The following CDH18 variants were observed in gnomAD, a reference collection of about 807,000 sequenced individuals.
CDH18 encodes the protein cadherin 18.
Under a neutral mutation model 67.9 loss-of-function variants are expected in CDH18, and 31 were observed. The observed-to-expected ratio is 0.46, with a 90% confidence interval of 0.34 to 0.62. The LOEUF is 0.62. Ranked by LOEUF, CDH18 falls within the 20% of genes least tolerant of loss-of-function variation. CDH18 has a pLI of 0.01. For synonymous variants in CDH18, 362 were observed against 347.2 expected, an observed-to-expected ratio of 1.04 and a Z score of -0.48; for missense variants, 890 against 975.5, an observed-to-expected ratio of 0.91 and a Z score of 1.17.
chr5:19,954,855 A>T (rs920464855), intron 2 of CDH18, among the ~76,000 whole-genome samples: 6 of 151,846 alleles, frequency 4.0e-5, no homozygotes, highest in Non-Finnish European at 8.8e-5. Context: ...ATCTCAGGAA[A>T]AAAAAAAAGA....
At chr5:19,915,384 C>G (rs755025964) in intron 2 of CDH18, among the ~76,000 whole-genome samples, 1 of 152,108 alleles carries the variant, frequency 6.6e-6, no homozygotes, top group Non-Finnish European at 1.5e-5. Flanking sequence ...AACCCCTGCA[C>G]AGTCAAAAAT....
intron 10 of CDH18, among the ~76,000 whole-genome samples, chr5:19,503,899 T>C (rs1442184618): frequency 6.6e-6 from 1 of 152,098 alleles, no homozygotes; most frequent in Non-Finnish European, 1.5e-5. Flanking sequence ...TCATAATGCT[T>C]AGGTGTCTTC....
intron 5 of CDH18, among the ~76,000 whole-genome samples, chr5:19,705,287 T>C (rs945072995): frequency 4.6e-5 from 7 of 152,174 alleles, no homozygotes; most frequent in Admixed American, 4.6e-4. Context: ...TTACTCCTAC[T>C]TGGGGACCTT....
intron 1 of CDH18, among the ~76,000 whole-genome samples, chr5:20,462,456 C>T (rs1751334250): frequency 1.3e-5 from 2 of 151,996 alleles, no homozygotes; most frequent in African/African-American, 4.8e-5. Context: ...TAGTTAACAA[C>T]AATACACTGT....
intron 5 of CDH18, among the ~76,000 whole-genome samples, chr5:19,702,129 T>TCTTC (rs996198070): frequency 1.1e-4 from 16 of 143,110 alleles, no homozygotes; most frequent in Non-Finnish European, 2.2e-4. Context: ...TCTGCAGTGT[T>TCTTC]CTTTCTTTCT....
chr5:20,009,275 C>T (rs573417421), intron 2 of CDH18, among the ~76,000 whole-genome samples: 9 of 152,008 alleles, frequency 5.9e-5, no homozygotes, highest in South Asian at 2.1e-4. Context: ...TCACATTGAC[C>T]GGTCTACATC....
At chr5:19,564,097 A>G (rs1462385135) in intron 8 of CDH18, among the ~76,000 whole-genome samples, 3 of 152,148 alleles carry the variant, frequency 2.0e-5, no homozygotes. Context: ...TAGCCCCACC[A>G]CTGTGGGCTA....
At chr5:20,017,397 G>A (rs757781368) in intron 2 of CDH18, among the ~76,000 whole-genome samples, 1 of 151,992 alleles carries the variant, frequency 6.6e-6, no homozygotes, top group Non-Finnish European at 1.5e-5. Context: ...TTTTCCCATT[G>A]AGGAAATAAA....
intron 2 of CDH18, among the ~76,000 whole-genome samples, chr5:19,855,921 G>A (rs530846442): frequency 1.3e-5 from 2 of 152,218 alleles, no homozygotes; most frequent in Admixed American, 1.3e-4. Context: ...AAAAAGGGAA[G>A]GATTTGGAAG....
Position 20,304,631 on chromosome 5 carries a change from C to T in CDH18, c.-579-49126G>A, listed in dbSNP as rs1311917351. ...AAAACAGAGCTATCAACTTTCTTGC[C>T]GAAATTAAATGAGGCACTTGTCGCT... On this transcript the variant is annotated intron_variant, in intron 1 of 14. Coordinates refer to the CDH18 transcript ENST00000507958. The T allele has an allele frequency of 2.2e-5, 36 of 1,611,778 alleles. No homozygotes were observed. In the Admixed American group the frequency reaches 5.5e-4, roughly 25 times the overall value.
chr5:19,612,314 T>C, intron 6 of CDH18, 120 bp downstream of exon 6: 2 of 893,370 alleles, frequency 2.2e-6, no homozygotes, highest in Non-Finnish European at 3.4e-6. Context: ...GGTGATCATA[T>C]AGTACAAAAA....
At chr5:19,719,919 A>AAGAAAGAAAG (rs1725807713) in intron 5 of CDH18, among the ~76,000 whole-genome samples, 1 of 141,476 alleles carries the variant, frequency 7.1e-6, no homozygotes, top group African/African-American at 2.8e-5. Context: ...GAAAGAAAGA[A>AAGAAAGAAAG]AGAAAGAAAG....
intron 2 of CDH18, among the ~76,000 whole-genome samples, chr5:20,140,466 T>TAAAAATA (rs1159574980): frequency 6.6e-6 from 1 of 151,924 alleles, no homozygotes; most frequent in Admixed American, 6.6e-5. Context: ...TAAAGTATAA[T>TAAAAATA]AAAAATAAAA....
chr5:20,273,850 A>T (rs1367021118), intron 1 of CDH18, among the ~76,000 whole-genome samples: 1 of 152,132 alleles, frequency 6.6e-6, no homozygotes, highest in Non-Finnish European at 1.5e-5. Flanking sequence ...GAAATCAGTC[A>T]TTACAGGTTA....
rs552100474 is a variant in CDH18 at position 20,072,528 on chromosome 5, G to A, written c.-517-80514C>T. The stretch of plus-strand genomic sequence containing the variant: ...AACACAGAGGTCTGAGAAACGTTCA[G>A]AAGAGGGGAGGTGATGCTATAAATC... On this transcript the variant is annotated intron_variant, in intron 2 of 14. Coordinates refer to the CDH18 transcript ENST00000507958. 2.0e-5 allele frequency among the ~76,000 whole-genome samples: 3 copies of A among 151,944 alleles called. No homozygotes were observed. In the South Asian group the frequency reaches 6.2e-4, roughly 31 times the overall value.
At chr5:19,778,557 C>CAAATAA (rs1774680345) in intron 3 of CDH18, among the ~76,000 whole-genome samples, 1 of 152,040 alleles carries the variant, frequency 6.6e-6, no homozygotes, top group South Asian at 2.1e-4. Flanking sequence ...ATCCTAGTAA[C>CAAATAA]AAATAAACAA....
chr5:19,691,734 C>T (rs1293168485), intron 5 of CDH18, among the ~76,000 whole-genome samples: 1 of 151,704 alleles, frequency 6.6e-6, no homozygotes, highest in Non-Finnish European at 1.5e-5. Flanking sequence ...ATAGTAGACA[C>T]ACAAATTAAA....
intron 3 of CDH18, among the ~76,000 whole-genome samples, chr5:19,781,899 A>G (rs1484058529): frequency 1.3e-5 from 2 of 152,156 alleles, no homozygotes; most frequent in Non-Finnish European, 2.9e-5. Flanking sequence ...ATTAACATAT[A>G]TGGATATCAT....
At chr5:20,056,473 C>CTTTTTTTTTTTT (rs1561754004) in intron 2 of CDH18, among the ~76,000 whole-genome samples, 18 of 13,532 alleles carry the variant, frequency 1.3e-3, no homozygotes, top group Admixed American at 2.7e-3. Context: ...TATTTTCTTT[C>CTTTTTTTTTTTT]TTTTGTTTTT....
Sources: gnomAD v4.1 joint callset for allele counts (sites outside exome capture counted in the v4.1 genomes callset) on GRCh38, gnomAD v4.1.1 for gene constraint, MANE v1.5 for transcripts, NCBI Gene and HGNC (gene_info 2026-07-23, HGNC 2026-07-21) for gene names.